The following CHST8 variants were observed in gnomAD, a reference collection of about 807,000 sequenced individuals.
CHST8 encodes the protein carbohydrate sulfotransferase 8.
CHST8 carries 10 observed loss-of-function variants against 15.0 expected under a neutral mutation model. That is an observed-to-expected ratio of 0.67 (90% CI 0.41 to 1.13). CHST8 has a LOEUF of 1.13. Among genes scored for constraint, CHST8 ranks in the 50% most tolerant of loss-of-function variants. The probability of loss-of-function intolerance (pLI) is 0.00; values close to 1 mark genes in which losing one functional copy is unlikely to be tolerated. For synonymous variants in CHST8, 259 were observed against 256.6 expected (o/e 1.01, Z -0.09); for missense variants, 634 against 608.2 (o/e 1.04, Z -0.45).
chr19:33,767,850 G>A (rs1315648434), intron 3 of CHST8, among the ~76,000 whole-genome samples: 1 of 152,180 alleles, frequency 6.6e-6, no homozygotes, highest in Non-Finnish European at 1.5e-5. Flanking sequence ...GTTGTGGCTG[G>A]AGTTGCTCTG....
At chr19:33,726,795 G>A (rs535142146) in intron 3 of CHST8, among the ~76,000 whole-genome samples, 1 of 152,208 alleles carries the variant, frequency 6.6e-6, no homozygotes, top group Non-Finnish European at 1.5e-5. Context: ...GGAGACGTGG[G>A]CCAGGGGCTG....
chr19:33,664,687 A>G (rs1972631852), intron 1 of CHST8, among the ~76,000 whole-genome samples: 1 of 152,062 alleles, frequency 6.6e-6, no homozygotes, highest in Non-Finnish European at 1.5e-5. Flanking sequence ...ATGTGCTTAA[A>G]TATCTCAAAT....
intron 3 of CHST8, among the ~76,000 whole-genome samples, chr19:33,763,867 C>T (rs978550814): frequency 1.3e-5 from 2 of 152,134 alleles, no homozygotes; most frequent in Admixed American, 6.5e-5. Context: ...GAGCCTGAGC[C>T]GGTGGGAGAG....
At chr19:33,704,829 G>T (rs896748614) in intron 3 of CHST8, among the ~76,000 whole-genome samples, 4 of 151,302 alleles carry the variant, frequency 2.6e-5, no homozygotes, top group African/African-American at 7.3e-5. Context: ...AGAATAGCTT[G>T]AACCCAGGAG....
chr19:33,729,674 C>T lies in CHST8; in HGVS notation c.130+40283C>T, dbSNP rs138784619. Among the ~76,000 whole-genome samples, 720 of 152,320 alleles carry T rather than the reference C, an allele frequency of 4.7e-3. 3 individuals are homozygous for T. Among genetic ancestry groups the T allele is most frequent in the African/African-American group, 0.016 (651 of 41,558 alleles). The stretch of plus-strand genomic sequence containing the variant: ...CCAAAGCATACAGCAAGTCAATACA[C>T]CCAAACCTGGTTGCAACAGAGAAAG... On this transcript the variant is annotated intron_variant, in intron 3 of 4. Transcript: ENST00000650847.
chr19:33,664,061 A>G (rs569320773), intron 1 of CHST8, among the ~76,000 whole-genome samples: 6 of 152,316 alleles, frequency 3.9e-5, no homozygotes, highest in Non-Finnish European at 8.8e-5. Flanking sequence ...TTGTAAGTTC[A>G]TATCTAAAAG....
At chr19:33,746,280 C>A (rs1481105973) in intron 3 of CHST8, among the ~76,000 whole-genome samples, 1 of 152,112 alleles carries the variant, frequency 6.6e-6, no homozygotes, top group East Asian at 1.9e-4. Context: ...CAAATGTATT[C>A]CATCACCCCA....
chr19:33,758,190 T>C (rs560360684), intron 3 of CHST8, among the ~76,000 whole-genome samples: 1 of 141,558 alleles, frequency 7.1e-6, no homozygotes, highest in South Asian at 2.2e-4. Context: ...CGGTGTTCCC[T>C]GAGATGCCAG....
At chr19:33,765,511 CTTTGTG>C (rs1974816028) in intron 3 of CHST8, among the ~76,000 whole-genome samples, 1 of 94,724 alleles carries the variant, frequency 1.1e-5, no homozygotes, top group African/African-American at 4.8e-5. Flanking sequence ...AAATGCCAGT[CTTTGTG>C]TGTGTGTGTG....
rs891675754 is a variant in CHST8, at chr19:33,757,634, G to A, written c.131-13779G>A. ...GGCCATTCAGAAGGGAGCAGAAAGG[G>A]GCTCTTGGACAGGTATCCAGGGGAG... is the stretch of plus-strand genomic sequence containing the variant. On this transcript the variant is annotated intron_variant, in intron 3 of 4. Coordinates refer to ENST00000650847, the MANE Select transcript of CHST8 (RefSeq NM_001127895.2). 5.3e-5 allele frequency among the ~76,000 whole-genome samples: 8 copies of A among 151,264 alleles called. No individual in the cohort carries two copies. The East Asian group carries it at 1.6e-3, about 30-fold the overall frequency.
intron 1 of CHST8, among the ~76,000 whole-genome samples, chr19:33,623,550 C>T (rs560034873): frequency 3.0e-4 from 46 of 152,318 alleles, no homozygotes; most frequent in African/African-American, 1.1e-3. Context: ...CCCACCGCCG[C>T]CCAAGGCCCC....
intron 1 of CHST8, among the ~76,000 whole-genome samples, chr19:33,654,493 G>A (rs1600239719): frequency 6.6e-6 from 1 of 152,178 alleles, no homozygotes; most frequent in East Asian, 1.9e-4. Context: ...GTGCTTCCTA[G>A]GTTGTGGAGA....
rs1319566301 is a variant in CHST8, at chr19:33,768,448, C to CTTTAT, written c.131-2951_131-2947dup. Among the ~76,000 whole-genome samples, 7 of 151,934 alleles carry CTTTAT rather than the reference C, an allele frequency of 4.6e-5. No homozygotes were observed. The East Asian group carries it at 9.7e-4, about 21-fold the overall frequency. On this transcript the variant is annotated intron_variant, in intron 3 of 4. Coordinates refer to ENST00000650847, the MANE Select transcript of CHST8 (RefSeq NM_001127895.2). ...ATAAATGTAAATTTTTTTTCTTTTT[C>CTTTAT]TTTATTTTATTTTATTTTTTTGAGA...
intron 3 of CHST8, among the ~76,000 whole-genome samples, chr19:33,692,203 C>G (rs1331870233): frequency 6.6e-6 from 1 of 152,186 alleles, no homozygotes; most frequent in Non-Finnish European, 1.5e-5. Flanking sequence ...AAGAGCTACC[C>G]AGTAAGCTAT....
chr19:33,664,677 A>G (rs1230632667), intron 1 of CHST8, among the ~76,000 whole-genome samples: 1 of 152,080 alleles, frequency 6.6e-6, no homozygotes, highest in Admixed American at 6.6e-5. Context: ...ATTTTTATGC[A>G]TGTGCTTAAA....
intron 3 of CHST8, among the ~76,000 whole-genome samples, chr19:33,708,703 C>G (rs761318303): frequency 1.1e-4 from 16 of 152,116 alleles, no homozygotes; most frequent in Non-Finnish European, 1.9e-4. Context: ...TTTGGGTATT[C>G]TGAGTCTTTT....
chr19:33,652,349 T>A (rs1972459553), intron 1 of CHST8, among the ~76,000 whole-genome samples: 1 of 151,130 alleles, frequency 6.6e-6, no homozygotes, highest in Non-Finnish European at 1.5e-5. Flanking sequence ...TTGTGGTTAC[T>A]GGTTTATTTA....
chr19:33,759,621 C>T (rs1046664505), intron 3 of CHST8, among the ~76,000 whole-genome samples: 1 of 152,216 alleles, frequency 6.6e-6, no homozygotes, highest in African/African-American at 2.4e-5. Flanking sequence ...GACCAGCCAC[C>T]CCTGATCCCC....
chr19:33,658,856 A>T (rs990232603), intron 1 of CHST8, among the ~76,000 whole-genome samples: 1 of 152,058 alleles, frequency 6.6e-6, no homozygotes, highest in African/African-American at 2.4e-5. Context: ...ATATTAGATG[A>T]ATGGGGTGCT....
Sources: gnomAD v4.1 joint callset for allele counts (sites outside exome capture counted in the v4.1 genomes callset) on GRCh38, gnomAD v4.1.1 for gene constraint, MANE v1.5 for transcripts, NCBI Gene and HGNC (gene_info 2026-07-23, HGNC 2026-07-21) for gene names.